The following RUNX1T1 variants were observed in gnomAD, a reference collection of about 807,000 sequenced individuals.
The protein encoded by RUNX1T1 is RUNX1 partner transcriptional co-repressor 1, also known as protein CBFA2T1.
In RUNX1T1, 4 loss-of-function variants were observed where a neutral mutation model predicts 62.8. The observed-to-expected ratio is 0.06, with a 90% confidence interval of 0.03 to 0.15. RUNX1T1 has a LOEUF of 0.15. Among genes scored for constraint, RUNX1T1 ranks in the 10% least tolerant of loss-of-function variants. RUNX1T1 has a pLI of 1.00. For synonymous variants in RUNX1T1, 291 were observed against 286.0 expected (o/e 1.02, Z -0.18); for missense variants, 508 against 754.3 (o/e 0.67, Z 3.82).
intron 1 of RUNX1T1, among the ~76,000 whole-genome samples, chr8:92,054,464 T>C (rs1398388750): frequency 6.6e-6 from 1 of 152,202 alleles, no homozygotes; most frequent in Non-Finnish European, 1.5e-5. Context: ...AACCTCTTTA[T>C]ACAGGTACAC....
chr8:92,008,364 C>CAT (rs1289447631), intron 4 of RUNX1T1, among the ~76,000 whole-genome samples: 22 of 125,016 alleles, frequency 1.8e-4, no homozygotes, highest in African/African-American at 6.5e-4. Context: ...TTGGGTGCCA[C>CAT]ATATCTCTCT....
At chr8:92,012,959 A>C (rs947445464) in intron 3 of RUNX1T1, among the ~76,000 whole-genome samples, 16 of 152,114 alleles carry the variant, frequency 1.1e-4, no homozygotes, top group African/African-American at 3.6e-4. Flanking sequence ...TTTCACGCAA[A>C]AGTATGCCAC....
intron 8 of RUNX1T1, among the ~76,000 whole-genome samples, chr8:91,978,613 T>G (rs141275711): frequency 1.3e-5 from 2 of 152,220 alleles, no homozygotes; most frequent in Non-Finnish European, 2.9e-5. Context: ...CACTTGGAAA[T>G]AGAAAATATT....
At chr8:92,053,190 TAG>T (rs892787429) in intron 1 of RUNX1T1, among the ~76,000 whole-genome samples, 11 of 152,040 alleles carry the variant, frequency 7.2e-5, no homozygotes, top group African/African-American at 2.7e-4. Flanking sequence ...GCAATCGCTC[TAG>T]AGTCTTTAAG....
exon 11 of RUNX1T1, chr8:91,959,060 T>C (rs1809825268): frequency 4.7e-6 from 1 of 212,504 alleles, no homozygotes; most frequent in Non-Finnish European, 9.6e-6. Context: ...AGAGACTAAA[T>C]GTGGGCATAT....
rs372262101 is a variant in RUNX1T1 at position 91,966,211 on chromosome 8, A to AG, written c.1458+4446dup. Among the ~76,000 whole-genome samples the AG allele has an allele frequency of 3.8e-4, 57 of 151,276 alleles. 1 individual carries two copies. The highest frequency in any genetic ancestry group is 1.4e-3 in the African/African-American group (56 of 41,282). ...ATAGCATCATAGCTCATGCTCTGAG[A>AG]GCTCCAAATTTTTCTGGGAATCAAC... On this transcript the variant is annotated intron_variant, in intron 10 of 10. Transcript: ENST00000396218.
chr8:92,016,503 C>T (rs887464078), intron 2 of RUNX1T1, among the ~76,000 whole-genome samples: 2 of 152,064 alleles, frequency 1.3e-5, no homozygotes, highest in African/African-American at 2.4e-5. Context: ...GGTGAAACCC[C>T]GTATCTACTA....
At chr8:91,986,017 G>A in intron 8 of RUNX1T1, 107 bp downstream of exon 9, 3 of 831,004 alleles carry the variant, frequency 3.6e-6, no homozygotes, top group Non-Finnish European at 6.1e-6. Context: ...ATTGTTTATT[G>A]TCTTAAAATT....
At chr8:92,059,501 T>C (rs1831566837) in intron 1 of RUNX1T1, among the ~76,000 whole-genome samples, 1 of 152,122 alleles carries the variant, frequency 6.6e-6, no homozygotes, top group South Asian at 2.1e-4. Context: ...TTTCAGCAAA[T>C]AATAAAGTCC....
intron 8 of RUNX1T1, 75 bp downstream of exon 9, chr8:91,986,049 A>G (rs939530076): frequency 9.9e-7 from 1 of 1,012,904 alleles, no homozygotes; most frequent in Non-Finnish European, 1.6e-6. Context: ...CTTTAATTTT[A>G]AAAATAAAAA....
upstream of RUNX1T1, among the ~76,000 whole-genome samples, chr8:92,100,379 C>T (rs1397349628): frequency 1.3e-5 from 2 of 152,204 alleles, no homozygotes; most frequent in African/African-American, 4.8e-5. Flanking sequence ...TTTAGCTTTT[C>T]AAATAAAGTC....
chr8:91,984,226 A>G (rs1816055164), intron 8 of RUNX1T1, among the ~76,000 whole-genome samples: 1 of 152,202 alleles, frequency 6.6e-6, no homozygotes, highest in Admixed American at 6.5e-5. Flanking sequence ...TAGCAGGGAC[A>G]ATGAACCTCT....
chr8:91,968,506 A>G (rs2976502), intron 10 of RUNX1T1, among the ~76,000 whole-genome samples: 120,793 of 152,098 alleles, frequency 0.79, 48,040 homozygotes, highest in East Asian at 0.99. Flanking sequence ...GCGTAAAGAG[A>G]TCTTTTTTTC....
intron 9 of RUNX1T1, among the ~76,000 whole-genome samples, chr8:91,971,669 C>T (rs764202575): frequency 3.9e-5 from 6 of 152,104 alleles, no homozygotes; most frequent in Non-Finnish European, 5.9e-5. Flanking sequence ...AAGCTGTTGT[C>T]CATTTACTTT....
chr8:91,958,328 T>C (rs1049407654), downstream of RUNX1T1: 2 of 195,276 alleles, frequency 1.0e-5, no homozygotes, highest in African/African-American at 4.6e-5. Context: ...ATTCATACTA[T>C]ACCTTGCTGA....
intron 8 of RUNX1T1, among the ~76,000 whole-genome samples, chr8:91,982,967 G>A (rs1043375204): frequency 2.6e-5 from 3 of 116,166 alleles, no homozygotes; most frequent in Admixed American, 1.3e-4. Flanking sequence ...TTGCCCTGTC[G>A]TCTAGGCTCG....
At chr8:92,089,849 G>A (rs1455842451) in intron 1 of RUNX1T1, among the ~76,000 whole-genome samples, 1 of 138,770 alleles carries the variant, frequency 7.2e-6, no homozygotes, top group Non-Finnish European at 1.5e-5. Flanking sequence ...AGACTGGAAT[G>A]ATAGTAATAT....
chr8:92,060,553 A>C (rs7820238), intron 1 of RUNX1T1, among the ~76,000 whole-genome samples: 1 of 63,974 alleles, frequency 1.6e-5, no homozygotes, highest in East Asian at 3.5e-4. Flanking sequence ...ATATATATAT[A>C]TGTGTGTGTG....
At chr8:92,058,050 T>A (rs1167493849) in intron 1 of RUNX1T1, among the ~76,000 whole-genome samples, 1 of 152,078 alleles carries the variant, frequency 6.6e-6, no homozygotes, top group Non-Finnish European at 1.5e-5. Flanking sequence ...CCATTGTGCA[T>A]CCTTCCCCTA....
Sources: allele counts gnomAD v4.1 joint callset (sites outside exome capture counted in the v4.1 genomes callset), GRCh38; gene constraint gnomAD v4.1.1; transcripts MANE v1.5; gene names NCBI Gene and HGNC (gene_info 2026-07-23, HGNC 2026-07-21).